The following SLC35D1 variants were observed in gnomAD, a reference collection of about 807,000 sequenced individuals.
The protein encoded by SLC35D1 is solute carrier family 35 member D1.
A neutral mutation model predicts 46.7 loss-of-function variants in SLC35D1; 31 were observed. The observed-to-expected ratio is 0.66, with a 90% confidence interval of 0.50 to 0.90. The LOEUF is 0.90. SLC35D1 is among the 40% of genes least tolerant of loss of function. The pLI, the probability that SLC35D1 is intolerant of heterozygous loss-of-function variation, is 0.00. For missense variants in SLC35D1, 397 were observed against 426.2 expected, an observed-to-expected ratio of 0.93 and a Z score of 0.60; for synonymous variants, 195 against 164.6, an observed-to-expected ratio of 1.18 and a Z score of -1.41.
In SLC35D1 at chr1:67,053,843, C is replaced by T; in HGVS notation, c.171G>A (p.Val57=). The T allele has an allele frequency of 6.2e-7, 1 of 1,613,218 alleles. No individual in the cohort carries two copies. Among genetic ancestry groups the T allele is most frequent in the Non-Finnish European group, 8.5e-7 (1 of 1,179,450 alleles). The part of the protein sequence containing the change: ...GFYGVSSFLI[V]VVNKSVLTNY... ...TGGTGAGCACGCTCTTATTCACCAC[C>T]ACGATCAGGAAGGAGCTCACGCCGT... Residue 57 remains valine, a synonymous_variant, in exon 1 of 12, where the codon GTG becomes GTA. Transcript: ENST00000235345.
chr1:67,008,079 T>A (rs1313550225), intron 11 of SLC35D1, among the ~76,000 whole-genome samples: 2 of 152,202 alleles, frequency 1.3e-5, no homozygotes, highest in African/African-American at 4.8e-5. Context: ...CCTAAGTTTA[T>A]GCCTTTTAAA....
chr1:67,013,510 G>A (rs1667618725), intron 10 of SLC35D1, among the ~76,000 whole-genome samples: 2 of 152,034 alleles, frequency 1.3e-5, no homozygotes, highest in South Asian at 4.1e-4. Context: ...AGCCATGATT[G>A]TGCCACTAAA....
rs1558147185 is a variant in SLC35D1 at position 67,002,247 on chromosome 1, G to C, written c.*2093C>G. ...ATTATCAACTAAAGTCAGCCTGGAAGTGGGATAAGGGTTCCAGGACAGGGT... is the reference window on the plus strand; with the variant it reads ...ATTATCAACTAAAGTCAGCCTGGAACTGGGATAAGGGTTCCAGGACAGGGT... On this transcript the variant is annotated 3_prime_UTR_variant, in exon 12 of 12. Coordinates refer to ENST00000235345, the MANE Select transcript of SLC35D1 (RefSeq NM_015139.3). 6.6e-6 allele frequency: 1 copy of C among 152,354 alleles called. No individual in the cohort carries two copies. Among genetic ancestry groups the C allele is most frequent in the Non-Finnish European group, 1.5e-5 (1 of 68,040 alleles). 9.4% of individuals were successfully genotyped at this position (152,354 alleles called of 1,614,324 possible). A position where few individuals can be genotyped will look rare whatever the true frequency, so the allele number is the denominator to read the frequency against.
chr1:66,976,242 T>TTTGC, the SLC35D1 span, among the ~76,000 whole-genome samples: 1 of 149,760 alleles, frequency 6.7e-6, no homozygotes, highest in Non-Finnish European at 1.5e-5. Context: ...GACCTCGTGA[T>TTTGC]CCACCCCCCT....
intron 7 of SLC35D1, among the ~76,000 whole-genome samples, 178 bp from the exon 8 acceptor site, chr1:67,042,506 T>C (rs1271570171): frequency 6.6e-6 from 1 of 152,214 alleles, no homozygotes; most frequent in Non-Finnish European, 1.5e-5. Context: ...ATCTAAACTT[T>C]CAAGACCAAA....
At chr1:67,013,179 A>ATATATATATAT (rs1225436342) in intron 10 of SLC35D1, among the ~76,000 whole-genome samples, 1 of 5,502 alleles carries the variant, frequency 1.8e-4, no homozygotes, top group African/African-American at 1.3e-3. Context: ...TCCTGTTCTT[A>ATATATATATAT]AATTTTTTTT....
At chr1:67,014,670 G>T (rs9662937) in intron 10 of SLC35D1, among the ~76,000 whole-genome samples, 391 of 99,882 alleles carry the variant, frequency 3.9e-3, no homozygotes, top group South Asian at 8.8e-3. Flanking sequence ...TCAATTTTTA[G>T]TTTTTTTTTT....
At chr1:66,977,926 C>T in the SLC35D1 span, among the ~76,000 whole-genome samples, 8 of 151,954 alleles carry the variant, frequency 5.3e-5, no homozygotes, top group African/African-American at 9.7e-5. Context: ...GGGCCAGGTG[C>T]GGTGGCTCAC....
chr1:67,034,965 A>G (rs1238528502), intron 8 of SLC35D1, among the ~76,000 whole-genome samples: 1 of 152,166 alleles, frequency 6.6e-6, no homozygotes, highest in Non-Finnish European at 1.5e-5. Flanking sequence ...ATGATGTATT[A>G]CATTAATTGA....
intron 8 of SLC35D1, among the ~76,000 whole-genome samples, chr1:67,029,103 T>A (rs1013424496): frequency 1.3e-5 from 2 of 152,242 alleles, no homozygotes; most frequent in Admixed American, 1.3e-4. Context: ...ATTATAAACC[T>A]GTACCAAATG....
chr1:67,028,108 T>C (rs1454369361), intron 8 of SLC35D1, among the ~76,000 whole-genome samples: 1 of 151,514 alleles, frequency 6.6e-6, no homozygotes, highest in Non-Finnish European at 1.5e-5. Flanking sequence ...CTATGAATTA[T>C]TTAGAGGTGT....
intron 11 of SLC35D1, among the ~76,000 whole-genome samples, chr1:67,004,975 T>C (rs185284769): frequency 2.6e-4 from 40 of 152,336 alleles, no homozygotes; most frequent in Admixed American, 9.1e-4. Context: ...ATCTGGGCCG[T>C]CAGCCTATGA....
chr1:67,035,143 T>C (rs575079700), intron 8 of SLC35D1, among the ~76,000 whole-genome samples: 32 of 152,112 alleles, frequency 2.1e-4, no homozygotes, highest in African/African-American at 7.0e-4. Flanking sequence ...TGTGTGTGTG[T>C]GTGCGCGCGT....
chr1:67,032,610 G>A (rs1668039999), intron 8 of SLC35D1, among the ~76,000 whole-genome samples: 1 of 152,068 alleles, frequency 6.6e-6, no homozygotes, highest in Non-Finnish European at 1.5e-5. Context: ...GAACCCAGGA[G>A]GCAGAGGTTG....
At chr1:67,018,092 A>T (rs560470891) in intron 10 of SLC35D1, among the ~76,000 whole-genome samples, 8 of 152,298 alleles carry the variant, frequency 5.3e-5, no homozygotes, top group Admixed American at 5.2e-4. Flanking sequence ...AAAAAGGCCA[A>T]AAAGAAACTT....
intron 8 of SLC35D1, among the ~76,000 whole-genome samples, chr1:67,025,063 A>G (rs1024810495): frequency 1.3e-5 from 2 of 152,068 alleles, no homozygotes; most frequent in Non-Finnish European, 2.9e-5. Context: ...TTCCCTTCTT[A>G]GTAAGAACAC....
At chr1:67,010,862 G>C (rs1667551951) in intron 10 of SLC35D1, among the ~76,000 whole-genome samples, 1 of 152,102 alleles carries the variant, frequency 6.6e-6, no homozygotes, top group South Asian at 2.1e-4. Context: ...AAAAGAAGTA[G>C]CTCTGCAAAG....
At chr1:67,011,370 C>T (rs1667562914) in intron 10 of SLC35D1, among the ~76,000 whole-genome samples, 1 of 152,170 alleles carries the variant, frequency 6.6e-6, no homozygotes. Flanking sequence ...CAGGACCTCA[C>T]CAGCCAGCAT....
At chr1:67,020,686 T>C (rs1446524490) in intron 9 of SLC35D1, among the ~76,000 whole-genome samples, 5 of 152,126 alleles carry the variant, frequency 3.3e-5, no homozygotes, top group Admixed American at 6.6e-5. Context: ...CCCTGAACCA[T>C]CTCTTACAAT....
Sources: allele counts gnomAD v4.1 joint callset (sites outside exome capture counted in the v4.1 genomes callset), GRCh38; gene constraint gnomAD v4.1.1; transcripts MANE v1.5; gene names NCBI Gene and HGNC (gene_info 2026-07-23, HGNC 2026-07-21).